The following VARS1 variants were observed in gnomAD, a reference collection of about 807,000 sequenced individuals.
VARS1 encodes the protein valine--tRNA ligase.
Under a neutral mutation model 161.0 loss-of-function variants are expected in VARS1, and 92 were observed. That is an observed-to-expected ratio of 0.57 (90% confidence interval 0.48 to 0.68). VARS1 has a LOEUF of 0.68. Ranked by LOEUF, VARS1 falls within the 30% of genes least tolerant of loss-of-function variation. VARS1 has a pLI of 0.00. For missense variants in VARS1, 1,338 were observed against 1,695.9 expected (o/e 0.79, Z 3.71); for synonymous variants, 595 against 682.5 (o/e 0.87, Z 2.00).
At position 31,779,219 on chromosome 6, in the gene VARS1, G is replaced by A. The variant is rs775343203; in HGVS notation, c.3474C>T (p.Ala1158=). Residue 1158 remains alanine (A), a synonymous_variant, in exon 29 of 30, where the codon GCC becomes GCT. Transcript: ENST00000375663. The surrounding 1 kb of genome is among the most constrained non-coding windows in gnomAD (Gnocchi z 9.1). ...SAVSGYVQAL[A]SAGVVAVLAL... is the part of the protein sequence containing the mutation. ...CCAGAACAGCCACCACACCTGCGCT[G>A]GCCAGGGCCTGCACGTAGCCCGACA... The A allele has an allele frequency of 2.8e-5, 45 of 1,607,122 alleles. No homozygotes were observed. In the Admixed American group the frequency reaches 6.7e-4, roughly 24 times the overall value.
chr6:31,795,196 G>C lies in VARS1; in HGVS notation c.22C>G (p.Pro8Ala). 1 of 1,466,682 alleles carries C rather than the reference G, an allele frequency of 6.8e-7. No individual in the cohort carries two copies. The highest frequency in any genetic ancestry group is 2.3e-5 in the East Asian group (1 of 43,108). 90.9% of individuals were successfully genotyped at this position (1,466,682 alleles called of 1,614,324 possible). The change falls in exon 2 of 30, where the codon CCT becomes GCT. Residue 8 changes from proline to alanine, a missense_variant. Pro to Ala is a conservative substitution (Grantham distance 27, BLOSUM62 -1). This residue lies in a region of VARS1 where 902 missense variants were observed against 1,090.3 expected (regional missense o/e 0.83). Coordinates refer to ENST00000375663, the MANE Select transcript of VARS1 (RefSeq NM_006295.3). This position sits in a 1 kb window ranked among gnomAD's most constrained non-coding sequence, Gnocchi z 6.9. MSTLYVS[P>A]HPDAFPSLRA... ...AGGCTGGGGAAGGCATCTGGGTGAG[G>C]GGAGACGTAGAGGGTGGACATAGTT...
chr6:31,785,862 A>C lies in VARS1; in HGVS notation c.1101-129T>G. 9.0e-6 allele frequency: 11 copies of C among 1,221,248 alleles called. No homozygotes were observed. Among genetic ancestry groups the C allele is most frequent in the Non-Finnish European group, 1.2e-5 (11 of 901,396 alleles). 75.7% of individuals were successfully genotyped at this position (1,221,248 alleles called of 1,614,324 possible). A position where few individuals can be genotyped will look rare whatever the true frequency, so the allele number is the denominator to read the frequency against. Reference sequence around the variant, plus strand: ...GCAGGGAGGCCGGACGCGGTGGCTCACGCCTGTAATCCCAGAACTTTGGGA... The same window carrying C: ...GCAGGGAGGCCGGACGCGGTGGCTCCCGCCTGTAATCCCAGAACTTTGGGA... On this transcript the variant is annotated intron_variant, in intron 8 of 29. Transcript: ENST00000375663. This position sits in a 1 kb window ranked among gnomAD's most constrained non-coding sequence, Gnocchi z 6.1.
intron 8 of VARS1, among the ~76,000 whole-genome samples, chr6:31,788,228 G>A (rs1417964791): frequency 1.3e-5 from 2 of 152,090 alleles, no homozygotes; most frequent in Non-Finnish European, 1.5e-5. Flanking sequence ...TTGGCTGGAC[G>A]AAGTGGCTCA....
Position 31,791,080 on chromosome 6 carries a change from G to A in VARS1, c.1100+530C>T, listed in dbSNP as rs1157530392. Among the ~76,000 whole-genome samples, 1 of 152,070 alleles carries A rather than the reference G, an allele frequency of 6.6e-6. No homozygotes were observed. The highest frequency in any genetic ancestry group is 2.4e-5 in the African/African-American group (1 of 41,390). Reference sequence around the variant, plus strand: ...GCAGGAGAATCACTTGAACCCAGGAGGCAGCGGTTGCCATGAGCCGAGATG... The same window carrying A: ...GCAGGAGAATCACTTGAACCCAGGAAGCAGCGGTTGCCATGAGCCGAGATG... On this transcript the variant is annotated intron_variant, in intron 8 of 29. Coordinates refer to ENST00000375663, the MANE Select transcript of VARS1 (RefSeq NM_006295.3). The surrounding 1 kb of genome is among the most constrained non-coding windows in gnomAD (Gnocchi z 5.0).
At chr6:31,788,511 CA>C (rs71552082) in intron 8 of VARS1, among the ~76,000 whole-genome samples, 29 of 138,228 alleles carry the variant, frequency 2.1e-4, no homozygotes, top group African/African-American at 2.7e-4. Flanking sequence ...ACAAAAAAAA[CA>C]AAAAAAAAAA....
rs757802928 is a variant in VARS1 at position 31,779,128 on chromosome 6, G to A, written c.3565C>T (p.Leu1189=). 6.2e-7 allele frequency: 1 copy of A among 1,607,516 alleles called. No homozygotes were observed. The highest frequency in any genetic ancestry group is 1.1e-5 in the South Asian group (1 of 90,600). ...GGGTCCACCAGCCCCTGAAGCTGCA[G>A]GTGGATGGAGCAGCGATCAGAAGCC... ...ALASDRCSIH[L]QLQGLVDPAR... The change falls in exon 29 of 30, where the codon CTG becomes TTG. Residue 1189 remains leucine (L), a synonymous_variant. Coordinates refer to ENST00000375663, the MANE Select transcript of VARS1 (RefSeq NM_006295.3). This position sits in a 1 kb window ranked among gnomAD's most constrained non-coding sequence, Gnocchi z 9.1.
chr6:31,783,693 G>A (rs707925), intron 13 of VARS1, among the ~76,000 whole-genome samples: 2 of 144,434 alleles, frequency 1.4e-5, no homozygotes, highest in African/African-American at 2.6e-5. Context: ...ACGGAGTCTC[G>A]CTCTGTCACC....
At chr6:31,794,703 G>C in intron 2 of VARS1, 128 bp downstream of exon 2, 1 of 1,308,316 alleles carries the variant, frequency 7.6e-7, no homozygotes, top group Non-Finnish European at 1.0e-6. Context: ...CATACCAGTT[G>C]GCAATCTGGG....
rs1037715508 is a variant in VARS1 at position 31,781,544 on chromosome 6, G to A, written c.2481C>T (p.Phe827=). 6.2e-7 allele frequency: 1 copy of A among 1,613,054 alleles called. No individual in the cohort carries two copies. Among genetic ancestry groups the A allele is most frequent in the Non-Finnish European group, 8.5e-7 (1 of 1,180,010 alleles). Residue 827 remains phenylalanine, a synonymous_variant, in exon 21 of 30, where the codon TTC becomes TTT. Coordinates refer to ENST00000375663, the MANE Select transcript of VARS1 (RefSeq NM_006295.3). The surrounding 1 kb of genome is among the most constrained non-coding windows in gnomAD (Gnocchi z 6.8). ...GCATGACCATCCGGGCCACCCAGAA[G>A]AAGAGGATGTCATGACCGGTCTCCA... is the stretch of plus-strand genomic sequence containing the variant. ...TLLETGHDIL[F]FWVARMVMLG...
At chr6:31,789,835 A>G (rs1813749635) in intron 8 of VARS1, among the ~76,000 whole-genome samples, 1 of 151,918 alleles carries the variant, frequency 6.6e-6, no homozygotes, top group Non-Finnish European at 1.5e-5. Flanking sequence ...CCTGGCTAAC[A>G]TGGTGAAACC....
rs1282245121 is a variant in VARS1 at position 31,782,650 on chromosome 6, C to T, written c.1888-17G>A. The stretch of plus-strand genomic sequence containing the variant: ...GGGCAGGCCCTGGGTAGGAATGAGG[C>T]CTCATCATGGCGATGCCCAGCCATC... On this transcript the variant is annotated splice_polypyrimidine_tract_variant and intron_variant, in intron 15 of 29. Transcript: ENST00000375663. The surrounding 1 kb of genome is among the most constrained non-coding windows in gnomAD (Gnocchi z 8.3). 10 of 1,612,980 alleles carry T rather than the reference C, an allele frequency of 6.2e-6. No individual in the cohort carries two copies. The highest frequency in any genetic ancestry group is 8.5e-6 in the Non-Finnish European group (10 of 1,180,036).
Position 31,777,546 on chromosome 6 carries a change from A to G in VARS1, c.*48T>C, listed in dbSNP as rs1270085969. On this transcript the variant is annotated 3_prime_UTR_variant, in exon 30 of 30. Transcript: ENST00000375663. This position sits in a 1 kb window ranked among gnomAD's most constrained non-coding sequence, Gnocchi z 5.8. ...TGTGGGAAAATATTTTATTGCTGCCATCCCCATGGTGAGCCGCTGGGGGTG... is the reference window on the plus strand; with the variant it reads ...TGTGGGAAAATATTTTATTGCTGCCGTCCCCATGGTGAGCCGCTGGGGGTG... 1 of 1,609,376 alleles carries G rather than the reference A, an allele frequency of 6.2e-7. No individual in the cohort carries two copies. The highest frequency in any genetic ancestry group is 1.7e-5 in the Admixed American group (1 of 59,986).
At chr6:31,792,122 T>C (rs1813910976) in intron 6 of VARS1, 95 bp downstream of exon 6, 1 of 1,526,456 alleles carries the variant, frequency 6.6e-7, no homozygotes, top group East Asian at 2.3e-5. Context: ...CTGCAATTCC[T>C]CACCAAACAA....
At chr6:31,783,035 T>TG in intron 14 of VARS1, 61 bp downstream of exon 14, 2 of 1,585,354 alleles carry the variant, frequency 1.3e-6, no homozygotes, top group Non-Finnish European at 1.7e-6. Context: ...TGAGAGAAGA[T>TG]GGACAGCTAG....
chr6:31,786,271 C>T (rs1159423249), intron 8 of VARS1, among the ~76,000 whole-genome samples: 1 of 136,178 alleles, frequency 7.3e-6, no homozygotes, highest in South Asian at 2.4e-4. Flanking sequence ...AAAAAACAAA[C>T]AAAAAAAAAA....
rs201907675 is a variant in VARS1 at position 31,791,153 on chromosome 6, CA to C, written c.1100+456del. Among the ~76,000 whole-genome samples, 2 of 149,226 alleles carry C rather than the reference CA, an allele frequency of 1.3e-5. No individual in the cohort carries two copies. The highest frequency in any genetic ancestry group is 2.5e-5 in the African/African-American group (1 of 40,658). On this transcript the variant is annotated intron_variant, in intron 8 of 29. Transcript: ENST00000375663. The surrounding 1 kb of genome is among the most constrained non-coding windows in gnomAD (Gnocchi z 5.0). ...GCAACAGAACAAGACTCTGTCCCCC[CA>C]AAAAAAAATATATATATTCATATGT...
chr6:31,781,527 A>G lies in VARS1; in HGVS notation c.2498T>C (p.Met833Thr), dbSNP rs1813144601. 6.2e-7 allele frequency: 1 copy of G among 1,613,002 alleles called. No homozygotes were observed. The highest frequency in any genetic ancestry group is 8.5e-7 in the Non-Finnish European group (1 of 1,179,992). ...CGTGAGCTTCAGGCCCAGCATGACC[A>G]TCCGGGCCACCCAGAAGAAGAGGAT... ...HDILFFWVARMVMLGLKLTGR... is the reference protein window; with the variant it reads ...HDILFFWVARTVMLGLKLTGR... Residue 833 changes from methionine to threonine, a missense_variant, in exon 21 of 30, where the codon ATG (methionine) becomes ACG (threonine). This residue lies in a region of VARS1 where 433 missense variants were observed against 586.2 expected (regional missense o/e 0.74). Transcript: ENST00000375663. This position sits in a 1 kb window ranked among gnomAD's most constrained non-coding sequence, Gnocchi z 6.8.
chr6:31,788,097 G>C (rs1813621148), intron 8 of VARS1, among the ~76,000 whole-genome samples: 2 of 151,810 alleles, frequency 1.3e-5, no homozygotes, highest in African/African-American at 4.8e-5. Flanking sequence ...TCCAGCCTGG[G>C]TGACAGAGCA....
Position 31,791,536 on chromosome 6 carries a change from G to C in VARS1, c.1100+74C>G, listed in dbSNP as rs1477747061. On this transcript the variant is annotated intron_variant, in intron 8 of 29. Coordinates refer to ENST00000375663, the MANE Select transcript of VARS1 (RefSeq NM_006295.3). The surrounding 1 kb of genome is among the most constrained non-coding windows in gnomAD (Gnocchi z 5.0). The stretch of plus-strand genomic sequence containing the variant: ...CACCAACCCAGAAGGAGAGAGGCTC[G>C]GGGGGCTGTCAGGGAAAAGGAGAGA... The C allele has an allele frequency of 8.1e-5, 124 of 1,525,692 alleles. No homozygotes were observed. In the East Asian group the frequency reaches 1.4e-3, roughly 17 times the overall value. The allele number at this position is 1,525,692 out of a possible 1,614,324, so 94.5% of individuals were successfully genotyped here.
Sources: gnomAD v4.1 joint callset for allele counts (sites outside exome capture counted in the v4.1 genomes callset) on GRCh38, gnomAD v4.1.1 for gene constraint, gnomAD v4.1.1 regional missense constraint, Gnocchi (gnomAD v3.1) non-coding constraint, MANE v1.5 for transcripts, NCBI Gene and HGNC (gene_info 2026-07-23, HGNC 2026-07-21) for gene names.